The following PIK3C2G variants were observed in gnomAD, a reference collection of about 807,000 sequenced individuals.
PIK3C2G encodes the protein phosphatidylinositol 3-kinase C2 domain-containing subunit gamma.
PIK3C2G carries 168 observed loss-of-function variants against 181.1 expected under a neutral mutation model. The ratio of observed to expected loss-of-function variants is 0.93; its 90% CI spans 0.82 to 1.05. The LOEUF (loss-of-function observed/expected upper bound fraction) is 1.05. Ranked by LOEUF, PIK3C2G falls within the 50% of genes least tolerant of loss-of-function variation. The pLI, the probability that PIK3C2G is intolerant of heterozygous loss-of-function variation, is 0.00. For synonymous variants in PIK3C2G, 573 were observed against 592.2 expected, an observed-to-expected ratio of 0.97 and a Z score of 0.47; for missense variants, 1,869 against 1,732.8, an observed-to-expected ratio of 1.08 and a Z score of -1.40.
chr12:18,440,921 AAC>A (rs1205252202), intron 18 of PIK3C2G, among the ~76,000 whole-genome samples: 1 of 152,136 alleles, frequency 6.6e-6, no homozygotes, highest in African/African-American at 2.4e-5. Context: ...GAAAATTATC[AAC>A]ATATACGTAA....
chr12:18,436,080 A>G (rs1399170993), intron 18 of PIK3C2G, among the ~76,000 whole-genome samples: 1 of 151,978 alleles, frequency 6.6e-6, no homozygotes, highest in Non-Finnish European at 1.5e-5. Context: ...TTATTATTGC[A>G]GCAGCTCACT....
intron 18 of PIK3C2G, among the ~76,000 whole-genome samples, chr12:18,478,364 A>G (rs970085987): frequency 6.6e-6 from 1 of 152,164 alleles, no homozygotes; most frequent in African/African-American, 2.4e-5. Context: ...TAAAATGGGT[A>G]GTTCAAGCAC....
rs601397 is a variant in PIK3C2G, at chr12:18,641,973, C to T, written c.4308+1419C>T. Among the ~76,000 whole-genome samples the T allele has an allele frequency of 1.6e-3, 243 of 152,228 alleles. 1 individual carries two copies. Among genetic ancestry groups the T allele is most frequent in the African/African-American group, 5.4e-3 (225 of 41,536 alleles). Reference sequence around the variant, plus strand: ...CCGTGTTGGTCAGGCTGGTCTCAAACTCCTGACCTCAGGTGATCCACCGCC... The same window carrying T: ...CCGTGTTGGTCAGGCTGGTCTCAAATTCCTGACCTCAGGTGATCCACCGCC... On this transcript the variant is annotated intron_variant, in intron 32 of 32. Transcript: ENST00000538779.
At chr12:18,468,675 T>C (rs530186870) in intron 18 of PIK3C2G, among the ~76,000 whole-genome samples, 1 of 152,242 alleles carries the variant, frequency 6.6e-6, no homozygotes, top group Admixed American at 6.6e-5. Context: ...TAGCTCATGA[T>C]TTTTAAGCAG....
At chr12:18,697,554 A>C in the PIK3C2G span, among the ~76,000 whole-genome samples, 1 of 152,136 alleles carries the variant, frequency 6.6e-6, no homozygotes, top group Admixed American at 6.6e-5. Context: ...GAAAATAAAC[A>C]TGTTTGTTAT....
At chr12:18,674,972 T>C in the PIK3C2G span, among the ~76,000 whole-genome samples, 9 of 152,058 alleles carry the variant, frequency 5.9e-5, no homozygotes, top group Non-Finnish European at 8.8e-5. Flanking sequence ...AGTGAAGCCA[T>C]CTTGGAATAT....
intron 11 of PIK3C2G, among the ~76,000 whole-genome samples, chr12:18,357,223 A>G (rs1940824325): frequency 6.6e-6 from 1 of 152,168 alleles, no homozygotes; most frequent in South Asian, 2.1e-4. Flanking sequence ...ATATACATAT[A>G]TAATAGTTTA....
intron 1 of PIK3C2G, among the ~76,000 whole-genome samples, chr12:18,248,996 A>G (rs1408422107): frequency 2.0e-5 from 3 of 152,156 alleles, no homozygotes; most frequent in Non-Finnish European, 4.4e-5. Context: ...TCTTTATCCT[A>G]AACACATAAA....
At chr12:18,567,739 A>T (rs192577372) in intron 29 of PIK3C2G, among the ~76,000 whole-genome samples, 62 of 152,190 alleles carry the variant, frequency 4.1e-4, no homozygotes, top group African/African-American at 1.4e-3. Context: ...GAGTGAGAAA[A>T]ACCAAAAAGA....
At chr12:18,562,313 T>C (rs1335621033) in intron 26 of PIK3C2G, among the ~76,000 whole-genome samples, 3 of 152,104 alleles carry the variant, frequency 2.0e-5, no homozygotes, top group African/African-American at 4.8e-5. Flanking sequence ...TTTGTATTTT[T>C]AGTAGAAACA....
chr12:18,320,036 C>G (rs1951037480), intron 6 of PIK3C2G: 1 of 152,064 alleles, frequency 6.6e-6, no homozygotes, highest in Non-Finnish European at 1.5e-5. Flanking sequence ...CAAAACAAAC[C>G]AATATAAAAA....
intron 13 of PIK3C2G, among the ~76,000 whole-genome samples, chr12:18,377,397 C>T (rs1942526091): frequency 6.6e-6 from 1 of 152,170 alleles, no homozygotes; most frequent in Admixed American, 6.5e-5. Context: ...TGTTTAGCAG[C>T]ATAGTCCTTC....
intron 6 of PIK3C2G, among the ~76,000 whole-genome samples, chr12:18,317,966 G>A (rs186970941): frequency 1.7e-4 from 26 of 152,268 alleles, no homozygotes; most frequent in African/African-American, 3.4e-4. Flanking sequence ...AGCTATTGAC[G>A]TCATAAAATT....
intron 29 of PIK3C2G, among the ~76,000 whole-genome samples, chr12:18,573,706 C>A (rs969404308): frequency 6.6e-6 from 1 of 152,184 alleles, no homozygotes; most frequent in African/African-American, 2.4e-5. Flanking sequence ...AAAATGGAGT[C>A]TAAAACTGCA....
In PIK3C2G at chr12:18,600,154, T is replaced by C. The variant is rs115548889; in HGVS notation, c.4087+5585T>C. ...AAAGTTTATAAAATAGATGATATAT[T>C]TGACTACAGAAAAGTTCAATAAAGT... is the stretch of plus-strand genomic sequence containing the variant. On this transcript the variant is annotated intron_variant, in intron 30 of 32. Coordinates refer to ENST00000538779, the MANE Select transcript of PIK3C2G (RefSeq NM_001288772.2). Among the ~76,000 whole-genome samples the C allele has an allele frequency of 7.7e-3, 1,169 of 152,114 alleles. 11 individuals carry two copies. The highest frequency in any genetic ancestry group is 0.027 in the African/African-American group (1,107 of 41,570).
chr12:18,606,381 T>G (rs1230249432), intron 30 of PIK3C2G, among the ~76,000 whole-genome samples: 2 of 152,150 alleles, frequency 1.3e-5, no homozygotes, highest in Admixed American at 1.3e-4. Context: ...TTTAGCACCT[T>G]TATACCAAAC....
intron 29 of PIK3C2G, among the ~76,000 whole-genome samples, chr12:18,578,701 A>G (rs1010581513): frequency 1.3e-5 from 2 of 152,184 alleles, no homozygotes; most frequent in Admixed American, 6.5e-5. Context: ...CCCTTTCTTC[A>G]TATATATTAA....
chr12:18,529,522 T>C (rs146049319), intron 24 of PIK3C2G, among the ~76,000 whole-genome samples: 3 of 152,326 alleles, frequency 2.0e-5, no homozygotes, highest in Non-Finnish European at 4.4e-5. Context: ...AGACGCATAA[T>C]TCACATTTGA....
chr12:18,399,747 G>C lies in PIK3C2G; in HGVS notation c.2215G>C (p.Ala739Pro), dbSNP rs1243528527. 6.2e-7 allele frequency: 1 copy of C among 1,605,574 alleles called. No homozygotes were observed. The highest frequency in any genetic ancestry group is 8.5e-7 in the Non-Finnish European group (1 of 1,173,590). Residue 739 changes from alanine to proline, a missense_variant, in exon 16 of 33, where the codon GCC (alanine) becomes CCC (proline). By Grantham distance (27) the Ala-to-Pro change is conservative (BLOSUM62 -1). Transcript: ENST00000538779. Reference protein sequence around the residue: ...NCSLPLVLGSAPGWDERTVSE... With the variant: ...NCSLPLVLGSPPGWDERTVSE... ...CTCCCTTCCTTTAGTCCTGGGTAGT[G>C]CCCCTGGATGGGATGAAAGGACTGT... is the stretch of plus-strand genomic sequence containing the variant.
Sources: gnomAD v4.1 joint callset for allele counts (sites outside exome capture counted in the v4.1 genomes callset) on GRCh38, gnomAD v4.1.1 for gene constraint, MANE v1.5 for transcripts, NCBI Gene and HGNC (gene_info 2026-07-23, HGNC 2026-07-21) for gene names.